PLAAT1: variants seen among roughly 807,000 people sequenced by gnomAD.
PLAAT1 encodes H-REV107 protein-related protein.
Under a neutral mutation model 16.4 loss-of-function variants are expected in PLAAT1, and 13 were observed. The observed-to-expected ratio is 0.79, with a 90% confidence interval of 0.52 to 1.26. PLAAT1 has a LOEUF of 1.26. Ranked by LOEUF, PLAAT1 falls within the 50% of genes most tolerant of loss-of-function variation. The probability of loss-of-function intolerance (pLI) is 0.00; values close to 1 mark genes in which losing one functional copy is unlikely to be tolerated. For missense variants in PLAAT1, 218 were observed against 207.8 expected (o/e 1.05, Z -0.30); for synonymous variants, 73 against 78.4 (o/e 0.93, Z 0.36).
At position 193,241,534 on chromosome 3, in the gene PLAAT1, G is replaced by T; in HGVS notation, c.-1+1G>T. 1.6e-6 allele frequency: 2 copies of T among 1,232,004 alleles called. No individual in the cohort carries two copies. The highest frequency in any genetic ancestry group is 2.0e-6 in the Non-Finnish European group (2 of 988,204). The allele number at this position is 1,232,004 out of a possible 1,614,324, so 76.3% of individuals were successfully genotyped here. A position where few individuals can be genotyped will look rare whatever the true frequency, so the allele number is the denominator to read the frequency against. ...AAGAAGACCCCGGCTTGAGAGTGAG[G>T]TGTGCTGGGCGGAGTGGGGGAGGAC... On this transcript the variant is annotated splice_donor_variant, in intron 1 of 3. Transcript: ENST00000264735. LOFTEE classifies it low-confidence loss of function (5UTR_SPLICE).
Position 193,268,430 on chromosome 3 carries a change from C to T in PLAAT1, c.406-2174C>T, listed in dbSNP as rs7616994. Reference sequence around the variant, plus strand: ...TTAGGCCAGGTACAGATCCCCAGAACGAGGCCTTTATTATGGCCCATGGAC... The same window carrying T: ...TTAGGCCAGGTACAGATCCCCAGAATGAGGCCTTTATTATGGCCCATGGAC... On this transcript the variant is annotated intron_variant, in intron 3 of 3. Coordinates refer to ENST00000264735, the MANE Select transcript of PLAAT1 (RefSeq NM_020386.5). Among the ~76,000 whole-genome samples, 752 of 152,306 alleles carry T rather than the reference C, an allele frequency of 4.9e-3. 7 individuals carry two copies. The highest frequency in any genetic ancestry group is 0.017 in the African/African-American group (716 of 41,560).
chr3:193,257,171 G>A (rs1445863001), intron 2 of PLAAT1, among the ~76,000 whole-genome samples: 1 of 152,114 alleles, frequency 6.6e-6, no homozygotes, highest in African/African-American at 2.4e-5. Flanking sequence ...AGAGCTAACT[G>A]TAACTACCTG....
chr3:193,252,550 A>G (rs1230620883), intron 1 of PLAAT1, among the ~76,000 whole-genome samples: 1 of 152,066 alleles, frequency 6.6e-6, no homozygotes, highest in Non-Finnish European at 1.5e-5. Context: ...AAAAGTTTTT[A>G]ATCTTAAGGA....
chr3:193,279,356 T>A (rs78223566), downstream of PLAAT1: 2,057 of 1,606,054 alleles, frequency 1.3e-3, 14 homozygotes, highest in African/African-American at 0.023. Flanking sequence ...TGCAAATGAA[T>A]GCCACTTACC....
intron 1 of PLAAT1, among the ~76,000 whole-genome samples, chr3:193,252,044 A>G (rs75560614): frequency 0.01 from 1,592 of 152,294 alleles, 54 homozygotes; most frequent in East Asian, 0.071. Context: ...ATGTATAAGG[A>G]AAAGAGATTT....
chr3:193,249,824 C>G (rs1473973339), intron 1 of PLAAT1, among the ~76,000 whole-genome samples: 1 of 151,658 alleles, frequency 6.6e-6, no homozygotes, highest in Non-Finnish European at 1.5e-5. Context: ...TATTATTATT[C>G]AGCTTGATGG....
Position 193,255,785 on chromosome 3 carries a change from T to C in PLAAT1, c.135T>C (p.Pro45=). ...LGDGYVINIA[P]VDGIPASFTS... ...ATGGTTACGTTATCAACATAGCACC[T>C]GTAGGTGAGGTTTATTTCCAGTGGC... The change falls in exon 2 of 4, where the codon CCT becomes CCC. Residue 45 remains proline, a synonymous_variant. Coordinates refer to ENST00000264735, the MANE Select transcript of PLAAT1 (RefSeq NM_020386.5). The C allele has an allele frequency of 1.3e-6, 2 of 1,589,174 alleles. No homozygotes were observed. Among genetic ancestry groups the C allele is most frequent in the Non-Finnish European group, 1.7e-6 (2 of 1,166,046 alleles).
At chr3:193,261,758 A>C (rs1485417096) in intron 2 of PLAAT1, among the ~76,000 whole-genome samples, 1 of 152,164 alleles carries the variant, frequency 6.6e-6, no homozygotes, top group African/African-American at 2.4e-5. Context: ...TTGATATTCA[A>C]TTATGTTGTT....
chr3:193,241,125 CGG>C, upstream of PLAAT1: 10 of 802,668 alleles, frequency 1.2e-5, no homozygotes, highest in Admixed American at 1.2e-4. Context: ...CCCCGGCGGG[CGG>C]GCGGGCGGGC....
At chr3:193,249,439 C>T (rs1220854990) in intron 1 of PLAAT1, among the ~76,000 whole-genome samples, 1 of 152,038 alleles carries the variant, frequency 6.6e-6, no homozygotes, top group Non-Finnish European at 1.5e-5. Context: ...TTTATAGCGG[C>T]TTTTGAATAA....
downstream of PLAAT1, among the ~76,000 whole-genome samples, chr3:193,278,410 A>G (rs1717323844): frequency 6.6e-6 from 1 of 152,008 alleles, no homozygotes; most frequent in Admixed American, 6.5e-5. Flanking sequence ...CCATCCATCC[A>G]TGCCTGCCTT....
downstream of PLAAT1, chr3:193,281,348 C>G (rs958792104): frequency 9.3e-6 from 2 of 216,034 alleles, no homozygotes; most frequent in African/African-American, 4.7e-5. Context: ...CACAAGTGAG[C>G]AATGTAGAAA....
downstream of PLAAT1, among the ~76,000 whole-genome samples, chr3:193,275,619 A>C (rs536762334): frequency 6.6e-6 from 1 of 152,340 alleles, no homozygotes; most frequent in East Asian, 1.9e-4. Context: ...CTCAAAATGA[A>C]GAAAAGAAAA....
chr3:193,276,001 G>T (rs1213079964), intron 2 of PLAAT1, among the ~76,000 whole-genome samples: 1 of 152,116 alleles, frequency 6.6e-6, no homozygotes, highest in Admixed American at 6.5e-5. Context: ...CACTTAAGTT[G>T]AATGTAATAT....
At position 193,245,523 on chromosome 3, in the gene PLAAT1, G is replaced by A. The variant is rs149445469; in HGVS notation, c.-1+3990G>A. Among the ~76,000 whole-genome samples the A allele has an allele frequency of 4.9e-3, 752 of 152,264 alleles. 7 individuals carry two copies. Among genetic ancestry groups the A allele is most frequent in the African/African-American group, 0.017 (718 of 41,546 alleles). On this transcript the variant is annotated intron_variant, in intron 1 of 3. Transcript: ENST00000264735. ...ATGAGGGTGCAGATATCTCTTCAAC[G>A]TAATGGCTTCAGTTCATTTGGTTAT...
At chr3:193,279,376 C>T (rs772892546), downstream of PLAAT1, 44 of 1,612,978 alleles carry the variant, frequency 2.7e-5, no homozygotes, top group Admixed American at 3.3e-5. Context: ...CTCCATTCCA[C>T]GGTATATAAC....
downstream of PLAAT1, chr3:193,275,444 A>G: frequency 1.0e-6 from 1 of 972,676 alleles, no homozygotes; most frequent in Admixed American, 2.6e-5. Flanking sequence ...TCCTTTCCCA[A>G]GTTCTGGAAT....
At chr3:193,248,091 G>C (rs1424660355) in intron 1 of PLAAT1, among the ~76,000 whole-genome samples, 1 of 152,068 alleles carries the variant, frequency 6.6e-6, no homozygotes, top group African/African-American at 2.4e-5. Flanking sequence ...TCGGTGCTTT[G>C]ATATTGGGTG....
chr3:193,263,158 G>A lies in PLAAT1; in HGVS notation c.328G>A (p.Val110Met), dbSNP rs1560104165. The A allele has an allele frequency of 6.2e-7, 1 of 1,614,142 alleles. No individual in the cohort carries two copies. The highest frequency in any genetic ancestry group is 8.5e-7 in the Non-Finnish European group (1 of 1,179,994). Residue 110 changes from valine (V) to methionine (M), a missense_variant, in exon 3 of 4, where the codon GTG becomes ATG. Val to Met is a conservative substitution (Grantham distance 21). Coordinates refer to ENST00000264735, the MANE Select transcript of PLAAT1 (RefSeq NM_020386.5). ...GTCAGAGTTTGTAATTGGACAGGAGGTGGCCTATAACTTACTTGTCAACAA... is the reference window on the plus strand; with the variant it reads ...GTCAGAGTTTGTAATTGGACAGGAGATGGCCTATAACTTACTTGTCAACAA... ...KRSEFVIGQEVAYNLLVNNCE... is the reference protein window; with the variant it reads ...KRSEFVIGQEMAYNLLVNNCE...
Sources: allele counts gnomAD v4.1 joint callset (sites outside exome capture counted in the v4.1 genomes callset), GRCh38; gene constraint gnomAD v4.1.1; transcripts MANE v1.5; gene names NCBI Gene and HGNC (gene_info 2026-07-23, HGNC 2026-07-21).